Variants in HTR4 observed in about 807,000 individuals in gnomAD.
HTR4 encodes 5-hydroxytryptamine receptor 4, also known as 5-hydroxytryptamine (serotonin) receptor 4, G protein-coupled.
Under a neutral mutation model 36.8 loss-of-function variants are expected in HTR4, and 16 were observed. The ratio of observed to expected loss-of-function variants is 0.43; its 90% confidence interval spans 0.29 to 0.66. HTR4 has a LOEUF of 0.66. Ranked by LOEUF, HTR4 falls within the 30% of genes least tolerant of loss-of-function variation. The pLI, the probability that HTR4 is intolerant of heterozygous loss-of-function variation, is 0.13. For synonymous variants in HTR4, 189 were observed against 185.1 expected, an observed-to-expected ratio of 1.02 and a Z score of -0.17; for missense variants, 438 against 490.9, an observed-to-expected ratio of 0.89 and a Z score of 1.02.
At chr5:148,472,279 GCA>G (rs1404881490), downstream of HTR4, among the ~76,000 whole-genome samples, 1 of 152,180 alleles carries the variant, frequency 6.6e-6, no homozygotes, top group African/African-American at 2.4e-5. Context: ...ACAATGCCTG[GCA>G]CACAGTGGGT....
At chr5:148,566,448 C>A (rs539695014) in intron 2 of HTR4, among the ~76,000 whole-genome samples, 4 of 152,250 alleles carry the variant, frequency 2.6e-5, no homozygotes, top group Admixed American at 6.5e-5. Flanking sequence ...GACAGGGAAG[C>A]AACAGAGCCT....
intron 4 of HTR4, among the ~76,000 whole-genome samples, chr5:148,533,567 C>G (rs912118948): frequency 6.6e-6 from 1 of 152,172 alleles, no homozygotes; most frequent in Non-Finnish European, 1.5e-5. Flanking sequence ...ACTTCCTGCC[C>G]TCCCAACCAC....
chr5:148,531,892 T>A (rs1315367930), intron 4 of HTR4, among the ~76,000 whole-genome samples: 1 of 152,084 alleles, frequency 6.6e-6, no homozygotes, highest in Non-Finnish European at 1.5e-5. Context: ...CCAGGGGACA[T>A]TTGACAATGT....
intron 5 of HTR4, among the ~76,000 whole-genome samples, chr5:148,468,638 G>T (rs1328210933): frequency 6.6e-6 from 1 of 152,126 alleles, no homozygotes; most frequent in Non-Finnish European, 1.5e-5. Flanking sequence ...GATGTCATTT[G>T]CTTATCCTAG....
chr5:148,593,155 A>G (rs766218695), intron 2 of HTR4, among the ~76,000 whole-genome samples: 7 of 152,122 alleles, frequency 4.6e-5, no homozygotes, highest in Non-Finnish European at 7.4e-5. Flanking sequence ...TTACTCCCAT[A>G]TAGTTTTCCA....
chr5:148,520,720 C>T (rs1251854177), intron 5 of HTR4, among the ~76,000 whole-genome samples: 1 of 152,156 alleles, frequency 6.6e-6, no homozygotes, highest in South Asian at 2.1e-4. Context: ...AGTAAGTGTT[C>T]AACATTCACT....
chr5:148,507,676 A>G (rs1240540405), intron 6 of HTR4, among the ~76,000 whole-genome samples: 1 of 152,076 alleles, frequency 6.6e-6, no homozygotes, highest in African/African-American at 2.4e-5. Context: ...GCAGATTACC[A>G]GACGCAGCAG....
chr5:148,467,416 C>G (rs1325376866), intron 5 of HTR4, among the ~76,000 whole-genome samples: 1 of 152,024 alleles, frequency 6.6e-6, no homozygotes, highest in Non-Finnish European at 1.5e-5. Flanking sequence ...AATGACTGAA[C>G]TTTTGAGTGT....
chr5:148,499,137 A>G (rs1382032096), intron 6 of HTR4, among the ~76,000 whole-genome samples: 2 of 152,194 alleles, frequency 1.3e-5, no homozygotes, highest in Non-Finnish European at 2.9e-5. Context: ...GACTTTGGGC[A>G]TGTTACTTAC....
chr5:148,459,657 G>C (rs1010462697), intron 5 of HTR4, among the ~76,000 whole-genome samples: 1 of 152,148 alleles, frequency 6.6e-6, no homozygotes, highest in South Asian at 2.1e-4. Context: ...GGTAAATAGT[G>C]TGCCTGTTTA....
chr5:148,642,994 G>A (rs1361990972), intron 1 of HTR4, among the ~76,000 whole-genome samples: 2 of 151,986 alleles, frequency 1.3e-5, no homozygotes, highest in Admixed American at 6.6e-5. Flanking sequence ...TCACATGCTG[G>A]ATCTTATTAG....
chr5:148,531,046 C>G (rs1027535588), intron 4 of HTR4, among the ~76,000 whole-genome samples: 15 of 152,166 alleles, frequency 9.9e-5, no homozygotes, highest in African/African-American at 3.6e-4. Flanking sequence ...AACTAATTAA[C>G]TTGCTTTTGA....
chr5:148,644,981 T>G (rs1753838971), intron 1 of HTR4: 1 of 152,248 alleles, frequency 6.6e-6, no homozygotes, highest in Non-Finnish European at 1.5e-5. Flanking sequence ...GTATATTGTA[T>G]TTGTTTTTAC....
intron 5 of HTR4, among the ~76,000 whole-genome samples, chr5:148,464,003 C>T (rs747108763): frequency 8.3e-6 from 1 of 119,984 alleles, no homozygotes; most frequent in Non-Finnish European, 1.7e-5. Flanking sequence ...CTTGTCAACA[C>T]ATAGTGGTAG....
At chr5:148,651,977 G>T (rs1754053531) in intron 1 of HTR4, among the ~76,000 whole-genome samples, 1 of 152,084 alleles carries the variant, frequency 6.6e-6, no homozygotes, top group Admixed American at 6.5e-5. Context: ...TTTCACAGGT[G>T]AAGAAACTAA....
At chr5:148,584,520 C>G (rs887187654) in intron 2 of HTR4, among the ~76,000 whole-genome samples, 7 of 152,116 alleles carry the variant, frequency 4.6e-5, no homozygotes, top group Non-Finnish European at 8.8e-5. Flanking sequence ...TAACAGTACC[C>G]CTAAGCAATC....
intron 2 of HTR4, among the ~76,000 whole-genome samples, chr5:148,601,730 G>A (rs1225147979): frequency 6.6e-6 from 1 of 152,186 alleles, no homozygotes. Flanking sequence ...GAGCTTGGAA[G>A]GCGGAGGTTG....
intron 5 of HTR4, among the ~76,000 whole-genome samples, chr5:148,515,953 T>A (rs1394922365): frequency 4.3e-4 from 65 of 150,800 alleles, no homozygotes; most frequent in Non-Finnish European, 5.9e-5. Flanking sequence ...TACATGGATG[T>A]TAGAACTTTT....
chr5:148,574,143 T>C (rs1760791001), intron 2 of HTR4, among the ~76,000 whole-genome samples: 1 of 152,042 alleles, frequency 6.6e-6, no homozygotes, highest in Non-Finnish European at 1.5e-5. Context: ...ATCAGAAGAA[T>C]CAACATAAAG....
Sources: gnomAD v4.1 joint callset for allele counts (sites outside exome capture counted in the v4.1 genomes callset) on GRCh38, gnomAD v4.1.1 for gene constraint, MANE v1.5 for transcripts, NCBI Gene and HGNC (gene_info 2026-07-23, HGNC 2026-07-21) for gene names.